The following SHISA9 variants were observed in gnomAD, a reference collection of about 807,000 sequenced individuals.
SHISA9 encodes protein shisa-9.
In SHISA9, 13 loss-of-function variants were observed where a neutral mutation model predicts 38.0. The observed-to-expected ratio is 0.34, with a 90% confidence interval of 0.22 to 0.54. The LOEUF is 0.54. Ranked by LOEUF, SHISA9 falls within the 20% of genes least tolerant of loss-of-function variation. The probability of loss-of-function intolerance (pLI) is 0.91; values close to 1 mark genes in which losing one functional copy is unlikely to be tolerated. For synonymous variants in SHISA9, 275 were observed against 242.0 expected, an observed-to-expected ratio of 1.14 and a Z score of -1.27; for missense variants, 538 against 575.8, an observed-to-expected ratio of 0.93 and a Z score of 0.67.
At chr16:13,378,432 A>G in the SHISA9 span, among the ~76,000 whole-genome samples, 7 of 152,116 alleles carry the variant, frequency 4.6e-5, no homozygotes, top group African/African-American at 1.7e-4. Context: ...GTTTCAGGAA[A>G]GTTTCTGGGT....
chr16:13,112,015 C>T (rs150417717), intron 2 of SHISA9, among the ~76,000 whole-genome samples: 9 of 152,274 alleles, frequency 5.9e-5, no homozygotes, highest in East Asian at 3.9e-4. Flanking sequence ...GTCTGACTTT[C>T]GGGCCTTTGC....
intron 3 of SHISA9, among the ~76,000 whole-genome samples, chr16:13,208,929 C>T (rs781610318): frequency 1.3e-5 from 2 of 152,130 alleles, no homozygotes; most frequent in Non-Finnish European, 2.9e-5. Context: ...CCTTATCTAG[C>T]CTGAGAGGGG....
rs1226995301 is a variant in SHISA9, at chr16:12,916,713, C to G, written c.589C>G (p.Gln197Glu). Reference protein sequence around the residue: ...SRALADVMRPQGHCNTDHMER... With the variant: ...SRALADVMRPEGHCNTDHMER... ...GGCCCTTGCGGATGTCATGAGACCACAGGGCCACTGCAACACTGATCACAT... is the reference window on the plus strand; with the variant it reads ...GGCCCTTGCGGATGTCATGAGACCAGAGGGCCACTGCAACACTGATCACAT... Residue 197 changes from glutamine (Q) to glutamate (E), a missense_variant, in exon 2 of 5, where the codon CAG (glutamine) becomes GAG (glutamate). Physicochemically the swap from Gln to Glu is conservative, Grantham distance 29. Around this residue, in one of 4 missense-constraint regions of SHISA9, gnomAD observed 326 missense variants for 305.9 expected, o/e 1.07. Transcript: ENST00000558583. 3.9e-6 allele frequency: 6 copies of G among 1,551,724 alleles called. No homozygotes were observed. Among genetic ancestry groups the G allele is most frequent in the Non-Finnish European group, 5.2e-6 (6 of 1,146,998 alleles).
At chr16:13,056,918 G>A (rs2073317580) in intron 2 of SHISA9, among the ~76,000 whole-genome samples, 1 of 152,214 alleles carries the variant, frequency 6.6e-6, no homozygotes, top group Non-Finnish European at 1.5e-5. Context: ...GACACAGCGG[G>A]GCTTAGGGAG....
At chr16:12,914,046 CTTTT>C (rs61679035) in intron 1 of SHISA9, among the ~76,000 whole-genome samples, 1,386 of 124,242 alleles carry the variant, frequency 0.011, 25 homozygotes, top group African/African-American at 0.037. Context: ...GTTTGTTTTT[CTTTT>C]TTTTTTTTTT....
chr16:13,232,697 G>A (rs879585427), intron 4 of SHISA9, among the ~76,000 whole-genome samples: 3 of 152,222 alleles, frequency 2.0e-5, no homozygotes, highest in Non-Finnish European at 4.4e-5. Context: ...GAAGGGGATG[G>A]TGAGTGGGGA....
rs186370329 is a variant in SHISA9, at chr16:13,049,184, G to T, written c.691+132369G>T. ...TGTGTGTGTGTGTGTGTGTGTGTGT[G>T]TGTGTGTGTGTGTGTGTGTGTATGT... On this transcript the variant is annotated intron_variant, in intron 2 of 4. Coordinates refer to ENST00000558583, the MANE Select transcript of SHISA9 (RefSeq NM_001145204.3). Among the ~76,000 whole-genome samples the T allele has an allele frequency of 2.1e-3, 318 of 149,752 alleles. 1 individual carries two copies. The highest frequency in any genetic ancestry group is 7.5e-3 in the African/African-American group (296 of 39,540).
intron 2 of SHISA9, among the ~76,000 whole-genome samples, chr16:13,036,381 A>C (rs1239032907): frequency 6.6e-6 from 1 of 152,240 alleles, no homozygotes; most frequent in Non-Finnish European, 1.5e-5. Flanking sequence ...AAAATAGTTC[A>C]TACTACATAA....
chr16:13,346,949 C>T, the SHISA9 span, among the ~76,000 whole-genome samples: 1 of 152,172 alleles, frequency 6.6e-6, no homozygotes, highest in African/African-American at 2.4e-5. Context: ...TTTCTTCCTT[C>T]ATGCTGGGTT....
intron 2 of SHISA9, among the ~76,000 whole-genome samples, chr16:13,036,691 A>C (rs1322811014): frequency 6.6e-6 from 1 of 152,062 alleles, no homozygotes; most frequent in African/African-American, 2.4e-5. Context: ...CATGGTTATG[A>C]ATTTCTGGAG....
chr16:13,072,820 C>G (rs1351022683), intron 2 of SHISA9, among the ~76,000 whole-genome samples: 1 of 152,068 alleles, frequency 6.6e-6, no homozygotes, highest in African/African-American at 2.4e-5. Context: ...GCCACCACAC[C>G]CAGCTAATTT....
At chr16:13,119,219 G>A (rs148582053) in intron 2 of SHISA9, among the ~76,000 whole-genome samples, 18 of 152,300 alleles carry the variant, frequency 1.2e-4, no homozygotes, top group Admixed American at 7.2e-4. Flanking sequence ...AAGAGGGAGC[G>A]AGATCTGCAG....
intron 2 of SHISA9, among the ~76,000 whole-genome samples, chr16:13,044,255 A>G (rs1265005385): frequency 6.6e-6 from 1 of 152,210 alleles, no homozygotes; most frequent in East Asian, 1.9e-4. Context: ...AATTTTCCCA[A>G]TACATGAATG....
At chr16:13,115,860 T>C (rs930012199) in intron 2 of SHISA9, among the ~76,000 whole-genome samples, 2 of 152,232 alleles carry the variant, frequency 1.3e-5, no homozygotes, top group Admixed American at 1.3e-4. Context: ...GACTATCTTA[T>C]GAACAAAACC....
the SHISA9 span, among the ~76,000 whole-genome samples, chr16:13,421,873 G>A: frequency 6.6e-6 from 1 of 152,158 alleles, no homozygotes; most frequent in African/African-American, 2.4e-5. Flanking sequence ...AATGCTTCCA[G>A]CCACACTAAA....
the SHISA9 span, among the ~76,000 whole-genome samples, chr16:13,493,405 C>T: frequency 6.6e-6 from 1 of 152,144 alleles, no homozygotes; most frequent in Non-Finnish European, 1.5e-5. Context: ...GGCCAGACTC[C>T]AGACAAAATT....
chr16:13,147,477 T>C (rs1192811001), intron 2 of SHISA9, among the ~76,000 whole-genome samples: 2 of 148,224 alleles, frequency 1.3e-5, no homozygotes, highest in South Asian at 2.2e-4. Flanking sequence ...TTTTTTTTTT[T>C]TTTTTTTTTC....
intron 2 of SHISA9, among the ~76,000 whole-genome samples, chr16:13,139,740 C>T (rs1293459240): frequency 6.6e-6 from 1 of 152,094 alleles, no homozygotes; most frequent in Non-Finnish European, 1.5e-5. Flanking sequence ...ACATTTTGTT[C>T]CTAACAATTT....
intron 4 of SHISA9, among the ~76,000 whole-genome samples, chr16:13,221,959 A>C (rs1439074264): frequency 2.6e-5 from 4 of 152,208 alleles, no homozygotes; most frequent in African/African-American, 9.7e-5. Flanking sequence ...TGGGTAGTTT[A>C]TAAAGGAAAG....
Sources: allele counts gnomAD v4.1 joint callset (sites outside exome capture counted in the v4.1 genomes callset), GRCh38; gene constraint gnomAD v4.1.1; regional missense constraint gnomAD v4.1.1; transcripts MANE v1.5; gene names NCBI Gene and HGNC (gene_info 2026-07-23, HGNC 2026-07-21).